Variants in GRB10 observed in about 807,000 individuals in gnomAD.
GRB10 encodes growth factor receptor bound protein 10, also known as growth factor receptor-bound protein 10.
Under a neutral mutation model 80.9 loss-of-function variants are expected in GRB10, and 20 were observed. The ratio of observed to expected loss-of-function variants is 0.25; its 90% CI spans 0.17 to 0.36. The LOEUF is 0.36. GRB10 is among the 10% of genes least tolerant of loss of function. The probability of loss-of-function intolerance (pLI) is 1.00; values close to 1 mark genes in which losing one functional copy is unlikely to be tolerated. For missense variants in GRB10, 548 were observed against 747.7 expected, an observed-to-expected ratio of 0.73 and a Z score of 3.12; for synonymous variants, 291 against 291.5, an observed-to-expected ratio of 1.00 and a Z score of 0.02.
chr7:50,642,471 C>CATATACACATAAATAT (rs538113205), intron 7 of GRB10, among the ~76,000 whole-genome samples: 1 of 152,066 alleles, frequency 6.6e-6, no homozygotes, highest in Non-Finnish European at 1.5e-5. Flanking sequence ...CATACATATA[C>CATATACACATAAATAT]ATATACACAT....
At chr7:50,612,945 GA>G in intron 12 of GRB10, 106 bp from the exon 13 acceptor site, 1 of 748,330 alleles carries the variant, frequency 1.3e-6, no homozygotes, top group Non-Finnish European at 2.4e-6. Flanking sequence ...ACCAGCTGGA[GA>G]TCCCCCTAGC....
intron 5 of GRB10, among the ~76,000 whole-genome samples, chr7:50,685,935 G>A (rs746615981): frequency 7.2e-5 from 11 of 152,144 alleles, no homozygotes; most frequent in Non-Finnish European, 1.6e-4. Flanking sequence ...GCCTTAAGGG[G>A]CAGATGATCT....
intron 4 of GRB10, among the ~76,000 whole-genome samples, chr7:50,717,003 G>A (rs907000442): frequency 2.6e-5 from 4 of 152,180 alleles, no homozygotes; most frequent in African/African-American, 4.8e-5. Context: ...CTGCATTCCC[G>A]CTATTTGGCC....
chr7:50,739,868 A>T (rs1440005397), intron 3 of GRB10, among the ~76,000 whole-genome samples: 4 of 151,736 alleles, frequency 2.6e-5, no homozygotes, highest in Non-Finnish European at 5.9e-5. Flanking sequence ...CTCAGTCCTC[A>T]TTTCTCTCCT....
intron 7 of GRB10, among the ~76,000 whole-genome samples, chr7:50,656,689 C>T (rs938083493): frequency 6.6e-6 from 1 of 152,198 alleles, no homozygotes. Context: ...CTTCCAAAGC[C>T]ACCGTGTGCT....
At chr7:50,646,925 C>T (rs2057283689) in intron 7 of GRB10, among the ~76,000 whole-genome samples, 1 of 152,154 alleles carries the variant, frequency 6.6e-6, no homozygotes, top group South Asian at 2.1e-4. Context: ...CAGATAGGAA[C>T]CCTGGTGCAG....
chr7:50,612,193 C>T (rs956794322), intron 13 of GRB10, among the ~76,000 whole-genome samples: 1 of 152,096 alleles, frequency 6.6e-6, no homozygotes, highest in Admixed American at 6.5e-5. Context: ...ACTTCATGGC[C>T]CTGGCTTTTT....
At chr7:50,609,911 A>G (rs1372420833) in intron 13 of GRB10, among the ~76,000 whole-genome samples, 2 of 152,226 alleles carry the variant, frequency 1.3e-5, no homozygotes, top group Non-Finnish European at 2.9e-5. Flanking sequence ...TCCTATGTAG[A>G]CCCAAGTTAT....
chr7:50,600,728 C>A (rs543158531), intron 17 of GRB10, among the ~76,000 whole-genome samples: 2 of 152,336 alleles, frequency 1.3e-5, no homozygotes, highest in Admixed American at 6.5e-5. Context: ...CAGGGTAGAA[C>A]TGCCAAAAGA....
chr7:50,713,151 A>G (rs954082140), intron 4 of GRB10, among the ~76,000 whole-genome samples: 14 of 152,186 alleles, frequency 9.2e-5, no homozygotes, highest in African/African-American at 3.4e-4. Flanking sequence ...AAGACATTAA[A>G]CCACCCTGTG....
At chr7:50,790,823 T>G (rs981573777) in intron 1 of GRB10, among the ~76,000 whole-genome samples, 2 of 152,216 alleles carry the variant, frequency 1.3e-5, no homozygotes, top group Non-Finnish European at 2.9e-5. Context: ...GAAGGCACAA[T>G]AGATGACTGT....
chr7:50,756,448 C>T (rs572670867), intron 2 of GRB10, among the ~76,000 whole-genome samples: 4 of 152,222 alleles, frequency 2.6e-5, no homozygotes, highest in Admixed American at 6.5e-5. Context: ...ACCTTCGGCC[C>T]ACCCAGCAGG....
rs79596610 is a variant in GRB10, at chr7:50,687,951, G to A, written c.140-13293C>T. Among the ~76,000 whole-genome samples the A allele has an allele frequency of 5.1e-3, 781 of 152,326 alleles. 10 individuals are homozygous for A. The highest frequency in any genetic ancestry group is 0.017 in the African/African-American group (702 of 41,572). ...GTATTGTATTTCACAAGTATTCCTC[G>A]TCTGTTCTGCTCAATGCAGTGTATG... On this transcript the variant is annotated intron_variant, in intron 5 of 18. Transcript: ENST00000401949.
chr7:50,755,023 A>C (rs1384222914), intron 3 of GRB10, among the ~76,000 whole-genome samples: 2 of 152,238 alleles, frequency 1.3e-5, no homozygotes, highest in African/African-American at 4.8e-5. Context: ...GAGAGGCCTC[A>C]GGAGGAACCA....
intron 12 of GRB10, among the ~76,000 whole-genome samples, chr7:50,613,273 A>T (rs2049909732): frequency 6.6e-6 from 1 of 152,044 alleles, no homozygotes. Context: ...CACTGAGAGG[A>T]GGGGCTGCTG....
intron 4 of GRB10, among the ~76,000 whole-genome samples, chr7:50,705,967 G>A (rs2064989930): frequency 6.6e-6 from 1 of 152,162 alleles, no homozygotes; most frequent in Non-Finnish European, 1.5e-5. Flanking sequence ...CTCAAGTTCA[G>A]CCATCCCCCA....
intron 3 of GRB10, among the ~76,000 whole-genome samples, chr7:50,734,883 T>C (rs1191603795): frequency 6.6e-6 from 1 of 152,158 alleles, no homozygotes; most frequent in Non-Finnish European, 1.5e-5. Context: ...GCTTCTCCCC[T>C]GAGATCAGGA....
chr7:50,749,408 C>T (rs1352564274), intron 3 of GRB10, among the ~76,000 whole-genome samples: 2 of 152,074 alleles, frequency 1.3e-5, no homozygotes, highest in African/African-American at 4.8e-5. Flanking sequence ...GGATTACAGG[C>T]ATGAGCCACC....
intron 3 of GRB10, among the ~76,000 whole-genome samples, chr7:50,743,986 C>A (rs2072385058): frequency 6.6e-6 from 1 of 152,150 alleles, no homozygotes; most frequent in African/African-American, 2.4e-5. Flanking sequence ...GAGGAAAACA[C>A]CAATTTTCTA....
Sources: allele counts gnomAD v4.1 joint callset (sites outside exome capture counted in the v4.1 genomes callset), GRCh38; gene constraint gnomAD v4.1.1; transcripts MANE v1.5; gene names NCBI Gene and HGNC (gene_info 2026-07-23, HGNC 2026-07-21).